TMEM244: variants seen among roughly 807,000 people sequenced by gnomAD.
The protein encoded by TMEM244 is transmembrane protein 244.
In TMEM244, 13 loss-of-function variants were observed where a neutral mutation model predicts 15.8. That is an observed-to-expected ratio of 0.82 (90% confidence interval 0.53 to 1.30). The LOEUF (loss-of-function observed/expected upper bound fraction) is 1.30. TMEM244 is among the 50% of genes most tolerant of loss of function. TMEM244 has a pLI of 0.00. For synonymous variants in TMEM244, 45 were observed against 48.7 expected (o/e 0.92, Z 0.32); for missense variants, 161 against 144.9 (o/e 1.11, Z -0.57).
intron 1 of TMEM244, among the ~76,000 whole-genome samples, chr6:129,857,547 A>T (rs1019065719): frequency 3.3e-5 from 5 of 151,674 alleles, no homozygotes; most frequent in South Asian, 2.1e-4. Flanking sequence ...TTTAGTAGAG[A>T]GGGGGTTTTG....
At position 129,845,829 on chromosome 6, in the gene TMEM244, T is replaced by C; in HGVS notation, c.57A>G (p.Leu19=). ...PSKVVLQKFL[L]CVILFYTVYY... ...ACACAGTGTAGAAAAGAATGACACA[T>C]AGAAGAAACTTCTGCAAAACAACCT... Residue 19 remains leucine (L), a synonymous_variant, in exon 2 of 5, where the codon CTA becomes CTG. Coordinates refer to ENST00000368143, the MANE Select transcript of TMEM244 (RefSeq NM_001010876.2). 2 of 1,612,888 alleles carry C rather than the reference T, an allele frequency of 1.2e-6. No individual in the cohort carries two copies. Among genetic ancestry groups the C allele is most frequent in the Non-Finnish European group, 8.5e-7 (1 of 1,179,648 alleles).
At chr6:129,836,322 A>C (rs894333823) in intron 3 of TMEM244, among the ~76,000 whole-genome samples, 4 of 152,206 alleles carry the variant, frequency 2.6e-5, no homozygotes, top group African/African-American at 9.6e-5. Flanking sequence ...TCTGCAGCTG[A>C]GGGGTCTGAC....
chr6:129,836,689 A>G (rs1307538537), intron 3 of TMEM244, among the ~76,000 whole-genome samples: 1 of 152,188 alleles, frequency 6.6e-6, no homozygotes, highest in Non-Finnish European at 1.5e-5. Flanking sequence ...AAAAGATTAG[A>G]TGAATGGCTA....
At chr6:129,837,409 G>A (rs1447928019) in intron 3 of TMEM244, among the ~76,000 whole-genome samples, 1 of 152,188 alleles carries the variant, frequency 6.6e-6, no homozygotes, top group Admixed American at 6.5e-5. Context: ...TGCCTTACAA[G>A]AGGTACTGAA....
In TMEM244 at chr6:129,843,608, A is replaced by T. The variant is rs1231555481; in HGVS notation, c.120-5T>A. On this transcript the variant is annotated splice_polypyrimidine_tract_variant and splice_region_variant and intron_variant, in intron 2 of 4. Coordinates refer to ENST00000368143, the MANE Select transcript of TMEM244 (RefSeq NM_001010876.2). ...AGGACATTCAACTCATGCACCCTAA[A>T]GATGTTATAAGTGAAAACAGTTTAC... The T allele has an allele frequency of 6.2e-7, 1 of 1,607,320 alleles. No individual in the cohort carries two copies. The highest frequency in any genetic ancestry group is 1.7e-5 in the Admixed American group (1 of 59,824).
Position 129,850,110 on chromosome 6 carries a change from C to G in TMEM244, c.34-4258G>C, listed in dbSNP as rs536635139. On this transcript the variant is annotated intron_variant, in intron 1 of 4. Transcript: ENST00000368143. ...AACAATAAATTGTGGAGCTGAGACT[C>G]AAGCCCTGCTCCGACTCAACCCTTA... Among the ~76,000 whole-genome samples the G allele has an allele frequency of 5.3e-5, 8 of 152,292 alleles. No individual in the cohort carries two copies. The East Asian group carries it at 1.5e-3, about 29-fold the overall frequency.
chr6:129,857,855 T>TATATATGTACATATATATGTAC (rs1776738970), intron 1 of TMEM244, among the ~76,000 whole-genome samples: 3 of 150,008 alleles, frequency 2.0e-5, no homozygotes, highest in Non-Finnish European at 3.0e-5. Context: ...TATATATGTA[T>TATATATGTACATATATATGTAC]ATATATATAT....
chr6:129,861,014 C>A (rs970573949), intron 1 of TMEM244, 142 bp downstream of exon 1: 2 of 807,476 alleles, frequency 2.5e-6, no homozygotes, highest in South Asian at 3.5e-5. Flanking sequence ...GCAAGCCGTG[C>A]AGCAGAATGT....
intron 3 of TMEM244, among the ~76,000 whole-genome samples, chr6:129,836,166 G>A (rs1023909030): frequency 2.6e-5 from 4 of 152,202 alleles, no homozygotes; most frequent in South Asian, 2.1e-4. Context: ...AGTAGGGGCC[G>A]ACAGACACCT....
intron 1 of TMEM244, among the ~76,000 whole-genome samples, chr6:129,850,380 A>G (rs62421261): frequency 0.018 from 2,759 of 152,290 alleles, 34 homozygotes; most frequent in Non-Finnish European, 0.029. Flanking sequence ...TAGGTCGGGA[A>G]AGTATTTAAA....
chr6:129,857,735 G>T (rs189522145), intron 1 of TMEM244, among the ~76,000 whole-genome samples: 6 of 151,804 alleles, frequency 4.0e-5, no homozygotes, highest in Admixed American at 3.3e-4. Context: ...AATGCCTCTA[G>T]TATTCTCCAT....
At chr6:129,860,141 G>GTC (rs1776781083) in intron 1 of TMEM244, among the ~76,000 whole-genome samples, 1 of 130,646 alleles carries the variant, frequency 7.7e-6, no homozygotes, top group Non-Finnish European at 1.7e-5. Flanking sequence ...GTGTGTGTGT[G>GTC]TGTGTGTCTG....
chr6:129,832,878 C>A (rs942238863), intron 4 of TMEM244, among the ~76,000 whole-genome samples: 1 of 152,110 alleles, frequency 6.6e-6, no homozygotes, highest in East Asian at 1.9e-4. Flanking sequence ...GTTGGATAGG[C>A]GTCCGTGCAT....
At chr6:129,833,174 G>T (rs1776354559) in intron 4 of TMEM244, among the ~76,000 whole-genome samples, 1 of 152,134 alleles carries the variant, frequency 6.6e-6, no homozygotes, top group South Asian at 2.1e-4. Context: ...AGGGGAAGCT[G>T]AGTGAAGGGT....
At chr6:129,851,617 CTG>C (rs1776638604) in intron 1 of TMEM244, among the ~76,000 whole-genome samples, 1 of 152,152 alleles carries the variant, frequency 6.6e-6, no homozygotes, top group South Asian at 2.1e-4. Context: ...AGTATGAAAA[CTG>C]TGACTCAGAC....
At chr6:129,836,498 C>A (rs915723760) in intron 3 of TMEM244, among the ~76,000 whole-genome samples, 11 of 152,128 alleles carry the variant, frequency 7.2e-5, no homozygotes, top group Admixed American at 5.2e-4. Flanking sequence ...TTTTAAAAAA[C>A]AGAGCACCTC....
intron 1 of TMEM244, among the ~76,000 whole-genome samples, chr6:129,853,167 G>A (rs937803551): frequency 2.8e-4 from 43 of 152,214 alleles, no homozygotes; most frequent in African/African-American, 2.4e-4. Flanking sequence ...AAGATCACCC[G>A]TGGGTCCTGT....
intron 3 of TMEM244, among the ~76,000 whole-genome samples, chr6:129,835,197 G>A (rs1372420992): frequency 1.3e-5 from 2 of 152,038 alleles, no homozygotes; most frequent in East Asian, 3.9e-4. Context: ...GGAGTTCAAG[G>A]CCACACTGGG....
At chr6:129,857,843 CATATATATGTAT>C (rs552620153) in intron 1 of TMEM244, among the ~76,000 whole-genome samples, 46 of 147,922 alleles carry the variant, frequency 3.1e-4, no homozygotes, top group Middle Eastern at 3.6e-3. Context: ...TATATATGTA[CATATATATGTAT>C]ATATATATAT....
Sources: allele counts gnomAD v4.1 joint callset (sites outside exome capture counted in the v4.1 genomes callset), GRCh38; gene constraint gnomAD v4.1.1; transcripts MANE v1.5; gene names NCBI Gene and HGNC (gene_info 2026-07-23, HGNC 2026-07-21).